PIP4P2: variants seen among roughly 807,000 people sequenced by gnomAD.
PIP4P2 encodes phosphatidylinositol-4,5-bisphosphate 4-phosphatase 2.
Under a neutral mutation model 33.3 loss-of-function variants are expected in PIP4P2, and 19 were observed. That is an observed-to-expected ratio of 0.57 (90% confidence interval 0.40 to 0.84). PIP4P2 has a LOEUF of 0.84. PIP4P2 is among the 40% of genes least tolerant of loss of function. The probability of loss-of-function intolerance (pLI) is 0.00; values close to 1 mark genes in which losing one functional copy is unlikely to be tolerated. For missense variants in PIP4P2, 270 were observed against 324.7 expected (o/e 0.83, Z 1.29); for synonymous variants, 110 against 111.9 (o/e 0.98, Z 0.11).
intron 5 of PIP4P2, among the ~76,000 whole-genome samples, chr8:91,003,948 G>GAGATAGAC (rs1811732658): frequency 7.2e-6 from 1 of 138,172 alleles, no homozygotes; most frequent in African/African-American, 2.7e-5. Context: ...GAACCAACAG[G>GAGATAGAC]AGATAGATAG....
At chr8:91,018,869 C>T (rs1811957958) in intron 3 of PIP4P2, among the ~76,000 whole-genome samples, 1 of 152,004 alleles carries the variant, frequency 6.6e-6, no homozygotes. Context: ...ATATTCTATA[C>T]CAACAAAAAT....
intron 1 of PIP4P2, among the ~76,000 whole-genome samples, chr8:91,031,771 G>A (rs1341966705): frequency 6.6e-6 from 1 of 152,140 alleles, no homozygotes; most frequent in Non-Finnish European, 1.5e-5. Context: ...AAGCATACTG[G>A]AAGGAATAGC....
intron 4 of PIP4P2, chr8:91,016,485 T>C (rs1811916070): frequency 6.6e-6 from 1 of 152,180 alleles, no homozygotes; most frequent in Non-Finnish European, 1.5e-5. Context: ...ACAATAGCTG[T>C]TGATCTTCTC....
At chr8:91,034,191 C>T (rs1812206325) in intron 1 of PIP4P2, among the ~76,000 whole-genome samples, 2 of 152,150 alleles carry the variant, frequency 1.3e-5, no homozygotes, top group African/African-American at 4.8e-5. Context: ...ATGTATCTCT[C>T]ACAGGAATGT....
intron 1 of PIP4P2, among the ~76,000 whole-genome samples, chr8:91,033,215 C>T (rs564771277): frequency 2.6e-5 from 4 of 152,210 alleles, no homozygotes; most frequent in Non-Finnish European, 5.9e-5. Context: ...GCCTAATTCA[C>T]ATTTCTAATT....
At chr8:91,028,682 T>A (rs879026516) in intron 1 of PIP4P2, among the ~76,000 whole-genome samples, 1 of 152,224 alleles carries the variant, frequency 6.6e-6, no homozygotes, top group Non-Finnish European at 1.5e-5. Context: ...TCCCCGGAAC[T>A]GATACCAAAA....
intron 1 of PIP4P2, among the ~76,000 whole-genome samples, chr8:91,030,215 A>C (rs1403289924): frequency 3.4e-5 from 1 of 29,608 alleles, no homozygotes; most frequent in Non-Finnish European, 1.4e-4. Context: ...CTCCATCTCA[A>C]AAAAAAAAAA....
rs548003945 is a variant in PIP4P2 at position 91,033,388 on chromosome 8, T to G, written c.106+7256A>C. Among the ~76,000 whole-genome samples the G allele has an allele frequency of 1.1e-3, 168 of 152,280 alleles. 1 individual carries two copies. The highest frequency in any genetic ancestry group is 3.8e-3 in the African/African-American group (159 of 41,564). The stretch of plus-strand genomic sequence containing the variant: ...TTGGGTCATTTTTGGAGATTTGTGA[T>G]TCCTTTCTTTTCACTGACTCAACCC... On this transcript the variant is annotated intron_variant, in intron 1 of 6. Transcript: ENST00000285419.
chr8:91,018,568 A>G, intron 3 of PIP4P2, 55 bp from the exon 4 acceptor site: 1 of 1,609,146 alleles, frequency 6.2e-7, no homozygotes, highest in Non-Finnish European at 8.5e-7. Flanking sequence ...CTGAGAGCAA[A>G]ACCTGCAACA....
At chr8:90,996,557 G>A (rs1244152947) in intron 6 of PIP4P2, 97 bp downstream of exon 6, 9 of 934,704 alleles carry the variant, frequency 9.6e-6, no homozygotes, top group Non-Finnish European at 1.6e-6. Flanking sequence ...CAAGGAGGCA[G>A]CCTCTTCAGG....
chr8:91,029,737 G>A (rs1035081054), intron 1 of PIP4P2, among the ~76,000 whole-genome samples: 33 of 152,228 alleles, frequency 2.2e-4, no homozygotes, highest in African/African-American at 6.7e-4. Flanking sequence ...TTGGGAGACC[G>A]AGGCAGGCAG....
At chr8:91,035,226 G>C (rs920061035) in intron 1 of PIP4P2, among the ~76,000 whole-genome samples, 12 of 152,160 alleles carry the variant, frequency 7.9e-5, no homozygotes, top group Non-Finnish European at 1.6e-4. Context: ...ACCTAAATGA[G>C]CTTCAGAGTA....
At chr8:91,013,006 T>G (rs534706883) in intron 4 of PIP4P2, among the ~76,000 whole-genome samples, 3 of 152,166 alleles carry the variant, frequency 2.0e-5, no homozygotes, top group Admixed American at 2.0e-4. Context: ...TTCTACCCTA[T>G]TAGTACAGTC....
At chr8:91,008,520 T>G (rs897867388) in intron 5 of PIP4P2, among the ~76,000 whole-genome samples, 16 of 152,198 alleles carry the variant, frequency 1.1e-4, no homozygotes, top group Non-Finnish European at 1.9e-4. Context: ...TAATAGAAAT[T>G]GATTTCCCTT....
At chr8:91,018,058 G>A (rs1288535576) in intron 4 of PIP4P2, among the ~76,000 whole-genome samples, 4 of 152,204 alleles carry the variant, frequency 2.6e-5, no homozygotes, top group African/African-American at 9.6e-5. Context: ...TGTGCACTTT[G>A]ACCTCTGCTG....
chr8:91,002,642 G>C (rs1811714188), intron 5 of PIP4P2, among the ~76,000 whole-genome samples: 2 of 152,208 alleles, frequency 1.3e-5, no homozygotes, highest in African/African-American at 2.4e-5. Flanking sequence ...CATTAGAATT[G>C]TTCAGGTGTG....
chr8:91,023,950 A>G (rs1812045900), intron 1 of PIP4P2, among the ~76,000 whole-genome samples: 1 of 151,890 alleles, frequency 6.6e-6, no homozygotes, highest in African/African-American at 2.4e-5. Flanking sequence ...TTTTGCACCA[A>G]CCTAATACAT....
At position 91,020,244 on chromosome 8, in the gene PIP4P2, G is replaced by T. The variant is rs1000073242; in HGVS notation, c.275C>A (p.Thr92Lys). The change falls in exon 3 of 7, where the codon ACA becomes AAA. Residue 92 changes from threonine (T) to lysine (K), a missense_variant. Coordinates refer to ENST00000285419, the MANE Select transcript of PIP4P2 (RefSeq NM_018710.3). Reference protein sequence around the residue: ...NEATPIKNPPTGKKYVRCPCN... With the variant: ...NEATPIKNPPKGKKYVRCPCN... ...AGGGCATCTAACATATTTCTTGCCTGTTGGGGGGTTTTTGATTGGCTGGAT... is the reference window on the plus strand; with the variant it reads ...AGGGCATCTAACATATTTCTTGCCTTTTGGGGGGTTTTTGATTGGCTGGAT... 2 of 1,613,570 alleles carry T rather than the reference G, an allele frequency of 1.2e-6. No homozygotes were observed. The highest frequency in any genetic ancestry group is 1.7e-6 in the Non-Finnish European group (2 of 1,179,776).
At chr8:91,003,783 T>C (rs942805107) in intron 5 of PIP4P2, among the ~76,000 whole-genome samples, 1 of 151,720 alleles carries the variant, frequency 6.6e-6, no homozygotes, top group Admixed American at 6.6e-5. Context: ...CTTTGGAAAA[T>C]AGCAAAATTT....
Sources: allele counts gnomAD v4.1 joint callset (sites outside exome capture counted in the v4.1 genomes callset), GRCh38; gene constraint gnomAD v4.1.1; transcripts MANE v1.5; gene names NCBI Gene and HGNC (gene_info 2026-07-23, HGNC 2026-07-21).